The following TMEM72 variants were observed in gnomAD, a reference collection of about 807,000 sequenced individuals.
The protein encoded by TMEM72 is transmembrane protein 72.
TMEM72 carries 9 observed loss-of-function variants against 16.3 expected under a neutral mutation model. That is an observed-to-expected ratio of 0.55 (90% confidence interval 0.33 to 0.96). TMEM72 has a LOEUF of 0.96. Ranked by LOEUF, TMEM72 falls within the 40% of genes least tolerant of loss-of-function variation. The pLI is 0.03. For missense variants in TMEM72, 324 were observed against 337.8 expected (o/e 0.96, Z 0.32); for synonymous variants, 160 against 146.5 (o/e 1.09, Z -0.66).
chr10:44,934,828 C>A lies in TMEM72; in HGVS notation c.522C>A (p.Ala174=). 6.2e-7 allele frequency: 1 copy of A among 1,613,578 alleles called. No homozygotes were observed. The highest frequency in any genetic ancestry group is 8.5e-7 in the Non-Finnish European group (1 of 1,179,994). The change falls in exon 5 of 5, where the codon GCC becomes GCA. Residue 174 remains alanine, a synonymous_variant. Coordinates refer to ENST00000389583, the MANE Select transcript of TMEM72 (RefSeq NM_001123376.3). The stretch of plus-strand genomic sequence containing the variant: ...AGCAAACCTACACTTTCCATGGGGC[C>A]CTCAAGGAGGGGCCCAGCTCCCTTT... ...DTEQTYTFHG[A]LKEGPSSLFI...
intron 1 of TMEM72, 73 bp downstream of exon 1, chr10:44,911,655 G>C: frequency 6.6e-7 from 1 of 1,513,304 alleles, no homozygotes; most frequent in African/African-American, 1.4e-5. Context: ...GGGGTGGGAG[G>C]TGGCCAGGAG....
Position 44,915,937 on chromosome 10 carries a change from C to G in TMEM72, c.70+4355C>G, listed in dbSNP as rs113076521. ...CACAGTAGGGCTTGCCTTGATGGGT[C>G]CAGAGGTGCAGGGCTGACTGCATGC... On this transcript the variant is annotated intron_variant, in intron 1 of 4. Coordinates refer to ENST00000389583, the MANE Select transcript of TMEM72 (RefSeq NM_001123376.3). 3.6e-3 allele frequency among the ~76,000 whole-genome samples: 546 copies of G among 152,192 alleles called. 5 individuals are homozygous for G. Among genetic ancestry groups the G allele is most frequent in the African/African-American group, 0.012 (513 of 41,476 alleles).
At chr10:44,926,983 C>T (rs1292070434) in intron 1 of TMEM72, among the ~76,000 whole-genome samples, 2 of 152,136 alleles carry the variant, frequency 1.3e-5, no homozygotes, top group Admixed American at 6.5e-5. Flanking sequence ...AGCAGCGCCA[C>T]GAGCAGCAGG....
At chr10:44,926,813 C>T (rs568756644) in intron 1 of TMEM72, among the ~76,000 whole-genome samples, 14 of 149,052 alleles carry the variant, frequency 9.4e-5, no homozygotes, top group Admixed American at 9.3e-4. Context: ...CCCCCAGAAT[C>T]GAGGGATGGA....
rs377099938 is a variant in TMEM72 at position 44,934,979 on chromosome 10, G to A, written c.673G>A (p.Glu225Lys). The A allele has an allele frequency of 2.5e-6, 4 of 1,614,004 alleles. No individual in the cohort carries two copies. The African/African-American group carries it at 5.3e-5, about 22-fold the overall frequency. ...GGCCAAGAAGAAGCAGGTGCACTTT[G>A]AAGACAACTTGGTCCGCATAGTCCC... Reference protein sequence around the residue: ...SLAKKKQVHFEDNLVRIVPSL... With the variant: ...SLAKKKQVHFKDNLVRIVPSL... The change falls in exon 5 of 5, where the codon GAA becomes AAA. Residue 225 changes from glutamate (E) to lysine (K), a missense_variant. Coordinates refer to ENST00000389583, the MANE Select transcript of TMEM72 (RefSeq NM_001123376.3).
At chr10:44,927,226 G>T (rs1241708203) in intron 1 of TMEM72, among the ~76,000 whole-genome samples, 2 of 152,186 alleles carry the variant, frequency 1.3e-5, no homozygotes, top group African/African-American at 2.4e-5. Context: ...GTGCTGTGCT[G>T]GTTGTGGGAA....
At chr10:44,917,592 T>G (rs1285452687) in intron 1 of TMEM72, among the ~76,000 whole-genome samples, 3 of 152,232 alleles carry the variant, frequency 2.0e-5, no homozygotes, top group East Asian at 3.9e-4. Flanking sequence ...GACAGCTCTT[T>G]CAAGATTGTC....
In TMEM72 at chr10:44,933,668, A is replaced by G; in HGVS notation, c.241A>G (p.Arg81Gly). The change falls in exon 4 of 5, where the codon AGG (arginine) becomes GGG (glycine). Residue 81 changes from arginine (R) to glycine (G), a missense_variant. Coordinates refer to ENST00000389583, the MANE Select transcript of TMEM72 (RefSeq NM_001123376.3). Reference sequence around the variant, plus strand: ...ACCAGGGTCCCTGGCAGACAGAGTAAGGGAGAAAGCCCACTGGCTGGGCTG... The same window carrying G: ...ACCAGGGTCCCTGGCAGACAGAGTAGGGGAGAAAGCCCACTGGCTGGGCTG... The part of the protein sequence containing the change: ...CQPGSLADRV[R>G]EKAHWLGCFQ... 3 of 1,614,024 alleles carry G rather than the reference A, an allele frequency of 1.9e-6. No homozygotes were observed. Among genetic ancestry groups the G allele is most frequent in the Non-Finnish European group, 2.5e-6 (3 of 1,179,950 alleles).
chr10:44,935,236 A>C lies in TMEM72; in HGVS notation c.*102A>C. The C allele has an allele frequency of 8.4e-7, 1 of 1,194,798 alleles. No homozygotes were observed. The highest frequency in any genetic ancestry group is 1.2e-6 in the Non-Finnish European group (1 of 865,990). The allele number at this position is 1,194,798 out of a possible 1,614,324, so 74.0% of individuals were successfully genotyped here. On this transcript the variant is annotated 3_prime_UTR_variant, in exon 5 of 5. Coordinates refer to ENST00000389583, the MANE Select transcript of TMEM72 (RefSeq NM_001123376.3). ...TCTCTGGTCAGCTTTTCAAGGGGTA[A>C]CCAGACACCCCCACACTGGCTGGGC...
chr10:44,931,816 C>T, intron 2 of TMEM72, 182 bp from the exon 3 acceptor site: 1 of 637,774 alleles, frequency 1.6e-6, no homozygotes, highest in Non-Finnish European at 2.7e-6. Context: ...CTCTCCCCAG[C>T]ATGGCCCAGT....
At chr10:44,920,126 A>G (rs1840072540) in intron 1 of TMEM72, 1 of 152,232 alleles carries the variant, frequency 6.6e-6, no homozygotes, top group Admixed American at 6.5e-5. Flanking sequence ...GAAAAGAAGC[A>G]ATAAATATAC....
intron 1 of TMEM72, among the ~76,000 whole-genome samples, chr10:44,913,759 C>T (rs1392936120): frequency 2.0e-5 from 3 of 152,228 alleles, no homozygotes; most frequent in African/African-American, 4.8e-5. Flanking sequence ...ATTTCCAGTA[C>T]ATAGGATTTG....
intron 1 of TMEM72, chr10:44,919,980 T>G (rs1840070022): frequency 6.6e-6 from 1 of 152,226 alleles, no homozygotes; most frequent in East Asian, 1.9e-4. Context: ...GTCTTGGAAA[T>G]GGTACAAATC....
chr10:44,913,485 TGCGCGC>T (rs1839967729), intron 1 of TMEM72, among the ~76,000 whole-genome samples: 1 of 151,498 alleles, frequency 6.6e-6, no homozygotes, highest in African/African-American at 2.4e-5. Context: ...CACAAACCCG[TGCGCGC>T]GCACATAGGG....
intron 2 of TMEM72, 51 bp downstream of exon 2, chr10:44,928,038 A>ACCCT (rs1554801307): frequency 8.2e-6 from 13 of 1,589,230 alleles, no homozygotes; most frequent in Middle Eastern, 1.7e-4. Flanking sequence ...TGCTCAACTC[A>ACCCT]CCCTACATCT....
intron 1 of TMEM72, among the ~76,000 whole-genome samples, chr10:44,917,062 A>G (rs1840023154): frequency 6.6e-6 from 1 of 152,180 alleles, no homozygotes; most frequent in Non-Finnish European, 1.5e-5. Context: ...CAGCATAGAC[A>G]CATGGATTAG....
At chr10:44,925,209 A>C (rs1402966950) in intron 1 of TMEM72, among the ~76,000 whole-genome samples, 2 of 152,170 alleles carry the variant, frequency 1.3e-5, no homozygotes, top group African/African-American at 2.4e-5. Flanking sequence ...TATGCAAACC[A>C]GCACTCTCTC....
intron 4 of TMEM72, among the ~76,000 whole-genome samples, 163 bp downstream of exon 4, chr10:44,933,939 C>T (rs1011610862): frequency 4.6e-5 from 7 of 152,204 alleles, no homozygotes; most frequent in Admixed American, 3.3e-4. Context: ...ATCGGAATGC[C>T]AGACATACTC....
At chr10:44,931,746 G>A in intron 2 of TMEM72, 1 of 524,636 alleles carries the variant, frequency 1.9e-6, no homozygotes, top group Non-Finnish European at 3.4e-6. Context: ...GCCAGGTGAA[G>A]GCCATGTCAC....
Sources: allele counts gnomAD v4.1 joint callset (sites outside exome capture counted in the v4.1 genomes callset), GRCh38; gene constraint gnomAD v4.1.1; transcripts MANE v1.5; gene names NCBI Gene and HGNC (gene_info 2026-07-23, HGNC 2026-07-21).